LRRTM4: variants seen among roughly 807,000 people sequenced by gnomAD.
LRRTM4 encodes leucine rich repeat transmembrane neuronal 4.
In LRRTM4, 25 loss-of-function variants were observed where a neutral mutation model predicts 47.6. That is an observed-to-expected ratio of 0.53 (90% CI 0.38 to 0.73). The LOEUF (loss-of-function observed/expected upper bound fraction) is 0.73. LRRTM4 is among the 30% of genes least tolerant of loss of function. LRRTM4 has a pLI of 0.00. For synonymous variants in LRRTM4, 311 were observed against 269.5 expected, an observed-to-expected ratio of 1.15 and a Z score of -1.51; for missense variants, 638 against 713.4, an observed-to-expected ratio of 0.89 and a Z score of 1.20.
chr2:76,972,884 T>C (rs1435362413), intron 3 of LRRTM4, among the ~76,000 whole-genome samples: 1 of 151,934 alleles, frequency 6.6e-6, no homozygotes, highest in East Asian at 1.9e-4. Flanking sequence ...AATGATATAA[T>C]GGAATAAGTA....
At chr2:77,260,459 T>C (rs771029453) in intron 3 of LRRTM4, among the ~76,000 whole-genome samples, 3 of 151,056 alleles carry the variant, frequency 2.0e-5, no homozygotes, top group Non-Finnish European at 4.4e-5. Context: ...TGATTTATAA[T>C]ACAGTACTAT....
In LRRTM4 at chr2:76,748,653, C is replaced by CG; in HGVS notation, c.*41_*42insC. On this transcript the variant is annotated 3_prime_UTR_variant, in exon 4 of 4. Coordinates refer to ENST00000409884, the MANE Select transcript of LRRTM4 (RefSeq NM_001134745.3). Reference sequence around the variant, plus strand: ...TTCTCCTTTAAGATGAAGGCCCTCCCTCCCCCCCATGGAGCTCCCCAGTGA... The same window carrying CG: ...TTCTCCTTTAAGATGAAGGCCCTCCCGTCCCCCCCATGGAGCTCCCCAGTGA... 2.2e-6 allele frequency: 3 copies of CG among 1,348,830 alleles called. No individual in the cohort carries two copies. The highest frequency in any genetic ancestry group is 3.2e-6 in the Non-Finnish European group (3 of 950,552). The allele number at this position is 1,348,830 out of a possible 1,614,324, so 83.6% of individuals were successfully genotyped here. A position where few individuals can be genotyped will look rare whatever the true frequency, so the allele number is the denominator to read the frequency against.
intron 3 of LRRTM4, among the ~76,000 whole-genome samples, chr2:77,063,180 G>A (rs1004485209): frequency 2.0e-5 from 3 of 151,782 alleles, no homozygotes; most frequent in Non-Finnish European, 4.4e-5. Context: ...GGCTGGTCTC[G>A]AACGCCTGAC....
intron 3 of LRRTM4, among the ~76,000 whole-genome samples, chr2:77,374,026 A>G (rs1174893692): frequency 6.6e-6 from 1 of 151,778 alleles, no homozygotes; most frequent in African/African-American, 2.4e-5. Flanking sequence ...TTTGACCTTC[A>G]CTTTTCCACT....
intron 3 of LRRTM4, among the ~76,000 whole-genome samples, chr2:77,214,309 T>C: frequency 6.6e-6 from 1 of 152,186 alleles, no homozygotes; most frequent in East Asian, 1.9e-4. Context: ...TTGCTTGGGG[T>C]TAAGTCATCT....
intron 3 of LRRTM4, among the ~76,000 whole-genome samples, chr2:77,413,840 TTATA>T (rs1558732192): frequency 1.1e-5 from 1 of 89,210 alleles, no homozygotes; most frequent in Non-Finnish European, 3.1e-5. Flanking sequence ...CTGTCTAGTT[TTATA>T]CACACACACA....
chr2:77,298,480 G>C (rs948274518), intron 3 of LRRTM4, among the ~76,000 whole-genome samples: 1 of 152,042 alleles, frequency 6.6e-6, no homozygotes, highest in Non-Finnish European at 1.5e-5. Context: ...CTCATGATCC[G>C]CCCGCCTCGG....
At chr2:77,159,659 A>G (rs1672656768) in intron 3 of LRRTM4, among the ~76,000 whole-genome samples, 1 of 152,030 alleles carries the variant, frequency 6.6e-6, no homozygotes, top group Admixed American at 6.6e-5. Flanking sequence ...AGGAGGAGAA[A>G]TAGGAGGGTT....
At chr2:77,188,999 A>G (rs1673589458) in intron 3 of LRRTM4, among the ~76,000 whole-genome samples, 1 of 152,198 alleles carries the variant, frequency 6.6e-6, no homozygotes, top group South Asian at 2.1e-4. Flanking sequence ...TTTTATGAAC[A>G]TGGAAGCCAA....
chr2:77,268,251 C>T (rs1417121461), intron 3 of LRRTM4, among the ~76,000 whole-genome samples: 1 of 151,348 alleles, frequency 6.6e-6, no homozygotes, highest in Admixed American at 6.6e-5. Flanking sequence ...CCATCGTATT[C>T]CCCTCCTTCT....
intron 3 of LRRTM4, among the ~76,000 whole-genome samples, chr2:77,180,545 C>G (rs937359251): frequency 2.0e-5 from 3 of 152,102 alleles, no homozygotes; most frequent in South Asian, 2.1e-4. Flanking sequence ...ATATCATAGA[C>G]CTGTTGAGAA....
chr2:76,811,775 T>A (rs1229591954), intron 3 of LRRTM4, among the ~76,000 whole-genome samples: 2 of 152,102 alleles, frequency 1.3e-5, no homozygotes, highest in South Asian at 2.1e-4. Context: ...ATTTTACCTG[T>A]CCTGAACAAC....
chr2:76,755,960 A>C (rs541437571), intron 3 of LRRTM4, among the ~76,000 whole-genome samples: 1 of 152,180 alleles, frequency 6.6e-6, no homozygotes, highest in Non-Finnish European at 1.5e-5. Flanking sequence ...GGGGAAGTTT[A>C]AACACAATTG....
chr2:77,188,280 G>A (rs1402367220), intron 3 of LRRTM4, among the ~76,000 whole-genome samples: 1 of 152,056 alleles, frequency 6.6e-6, no homozygotes. Flanking sequence ...AATGACATAC[G>A]ATATTTCCCC....
chr2:76,850,013 G>A (rs1372960612), intron 3 of LRRTM4, among the ~76,000 whole-genome samples: 1 of 151,964 alleles, frequency 6.6e-6, no homozygotes, highest in African/African-American at 2.4e-5. Context: ...GTCCTCATGT[G>A]TATAAGTGGC....
intron 3 of LRRTM4, among the ~76,000 whole-genome samples, chr2:77,251,001 G>T (rs554202962): frequency 6.6e-6 from 1 of 151,860 alleles, no homozygotes; most frequent in Non-Finnish European, 1.5e-5. Flanking sequence ...TATTTGGAAG[G>T]CTGAGGCAGG....
intron 3 of LRRTM4, among the ~76,000 whole-genome samples, chr2:76,830,740 G>C (rs1206185168): frequency 6.6e-6 from 1 of 151,824 alleles, no homozygotes; most frequent in African/African-American, 2.4e-5. Flanking sequence ...GGAAAAACAA[G>C]AAATGGGGAG....
chr2:77,305,993 T>C (rs1558679502), intron 3 of LRRTM4, among the ~76,000 whole-genome samples: 1 of 152,182 alleles, frequency 6.6e-6, no homozygotes, highest in Non-Finnish European at 1.5e-5. Context: ...CACTTAAATT[T>C]AACCATGTAT....
intron 3 of LRRTM4, among the ~76,000 whole-genome samples, chr2:77,034,554 A>C (rs1261444731): frequency 2.0e-5 from 3 of 151,854 alleles, no homozygotes; most frequent in Admixed American, 6.6e-5. Flanking sequence ...AGCTCTGGGG[A>C]AATCTGGATT....
Sources: gnomAD v4.1 joint callset for allele counts (sites outside exome capture counted in the v4.1 genomes callset) on GRCh38, gnomAD v4.1.1 for gene constraint, MANE v1.5 for transcripts, NCBI Gene and HGNC (gene_info 2026-07-23, HGNC 2026-07-21) for gene names.